FANCB: variants seen among roughly 807,000 people sequenced by gnomAD.
The protein encoded by FANCB is FA complementation group B.
In FANCB, 5 loss-of-function variants were observed where a neutral mutation model predicts 38.9. That is an observed-to-expected ratio of 0.13 (90% confidence interval 0.07 to 0.27). The LOEUF is 0.27. Among genes scored for constraint, FANCB ranks in the 10% least tolerant of loss-of-function variants. The pLI is 1.00. For synonymous variants in FANCB, 236 were observed against 215.4 expected (o/e 1.10, Z -0.84); for missense variants, 573 against 602.7 (o/e 0.95, Z 0.52).
chrX:14,841,515 T>A (rs368892142), downstream of FANCB, among the ~76,000 whole-genome samples: 1 of 111,866 alleles, frequency 8.9e-6, no homozygotes, highest in Non-Finnish European at 1.9e-5. Flanking sequence ...CTGAGGACAA[T>A]AGGAGAGTCA....
chrX:14,706,616 C>CCAGATATAATACCAGAATGATA, the FANCB span, among the ~76,000 whole-genome samples: 3 of 111,573 alleles, frequency 2.7e-5, no homozygotes, highest in African/African-American at 9.8e-5. Context: ...CTAGGATTAT[C>CCAGATATAATACCAGAATGATA]ATTCTGGTAT....
At chrX:14,809,639 C>T in the FANCB span, among the ~76,000 whole-genome samples, 1 of 112,640 alleles carries the variant, frequency 8.9e-6, no homozygotes, top group Non-Finnish European at 1.9e-5. Context: ...GGGGCGCCCG[C>T]CATTGCCCAG....
chrX:14,763,636 G>A, the FANCB span, among the ~76,000 whole-genome samples: 3 of 111,726 alleles, frequency 2.7e-5, no homozygotes, highest in South Asian at 1.1e-3. Flanking sequence ...TAAAATTTAT[G>A]CAGTATTCTG....
At chrX:14,776,708 C>T in the FANCB span, among the ~76,000 whole-genome samples, 14 of 112,369 alleles carry the variant, frequency 1.2e-4, no homozygotes, top group Non-Finnish European at 2.4e-4. Context: ...TAAACTTGGA[C>T]AACCACTTAA....
chrX:14,827,813 G>C, the FANCB span, among the ~76,000 whole-genome samples: 4 of 111,674 alleles, frequency 3.6e-5, no homozygotes, highest in African/African-American at 1.3e-4. Flanking sequence ...TTTAACTAAT[G>C]ATGAGCACCA....
intron 9 of FANCB, 102 bp from the exon 10 acceptor site, chrX:14,844,083 C>T: frequency 5.9e-6 from 4 of 679,421 alleles, no homozygotes; most frequent in Non-Finnish European, 4.4e-6. Flanking sequence ...TTATAAACAC[C>T]ATAATGATAA....
At chrX:14,872,374 C>A (rs2092502538) in intron 1 of FANCB, among the ~76,000 whole-genome samples, 1 of 112,363 alleles carries the variant, frequency 8.9e-6, no homozygotes, top group Middle Eastern at 4.6e-3. Flanking sequence ...GTATGCGCAA[C>A]TATTTTCTTT....
chrX:14,771,680 G>A, the FANCB span, among the ~76,000 whole-genome samples: 1 of 112,043 alleles, frequency 8.9e-6, no homozygotes, highest in Non-Finnish European at 1.9e-5. Flanking sequence ...GCCATTGCTG[G>A]AGAGGTGTTG....
the FANCB span, among the ~76,000 whole-genome samples, chrX:14,798,737 C>T: frequency 6.3e-5 from 7 of 111,722 alleles, no homozygotes; most frequent in South Asian, 1.1e-3. Context: ...GGGAGTGTGA[C>T]GGTTAGGGTT....
chrX:14,788,448 C>T, the FANCB span, among the ~76,000 whole-genome samples: 3 of 111,443 alleles, frequency 2.7e-5, no homozygotes, highest in Non-Finnish European at 5.7e-5. Flanking sequence ...CCAACTGCAA[C>T]TATCAGGGTG....
At chrX:14,802,557 G>T in the FANCB span, among the ~76,000 whole-genome samples, 1 of 112,005 alleles carries the variant, frequency 8.9e-6, no homozygotes, top group Non-Finnish European at 1.9e-5. Context: ...GGGAGCAGGG[G>T]TGGTAAGCTG....
chrX:14,748,237 G>A, the FANCB span, among the ~76,000 whole-genome samples: 2 of 112,292 alleles, frequency 1.8e-5, no homozygotes, highest in African/African-American at 6.5e-5. Flanking sequence ...ACATAGCAAG[G>A]AACTGAGGGA....
the FANCB span, among the ~76,000 whole-genome samples, chrX:14,760,313 C>T: frequency 8.9e-6 from 1 of 111,887 alleles, no homozygotes; most frequent in African/African-American, 3.3e-5. Context: ...AAGACAAATA[C>T]CACATGATCT....
chrX:14,691,601 C>T, the FANCB span, among the ~76,000 whole-genome samples: 1 of 111,303 alleles, frequency 9.0e-6, no homozygotes, highest in African/African-American at 3.3e-5. Flanking sequence ...AAATCCCAAG[C>T]CTTAGACACA....
the FANCB span, among the ~76,000 whole-genome samples, chrX:14,746,386 T>G: frequency 8.9e-6 from 1 of 112,154 alleles, no homozygotes; most frequent in Admixed American, 9.4e-5. Flanking sequence ...CAGCACATAA[T>G]TCTGACTACA....
chrX:14,707,757 GGTGTGT>G, the FANCB span, among the ~76,000 whole-genome samples: 67 of 106,211 alleles, frequency 6.3e-4, no homozygotes, highest in Non-Finnish European at 1.0e-3. Flanking sequence ...CAGCAAAAAA[GGTGTGT>G]GTGTGTGTGT....
the FANCB span, chrX:14,730,119 T>G: frequency 1.4e-6 from 1 of 704,107 alleles, no homozygotes; most frequent in Non-Finnish European, 2.2e-6. Flanking sequence ...AACTGTGATT[T>G]ATCCTTTTAC....
At chrX:14,833,676 G>T (rs111905035), downstream of FANCB, among the ~76,000 whole-genome samples, 4 of 43,734 alleles carry the variant, frequency 9.1e-5, no homozygotes, top group South Asian at 2.4e-3. Flanking sequence ...GCTGGGTGTG[G>T]GGGGGGTTCA....
At chrX:14,851,131 A>G (rs1397933543) in intron 6 of FANCB, among the ~76,000 whole-genome samples, 2 of 112,446 alleles carry the variant, frequency 1.8e-5, no homozygotes, top group Non-Finnish European at 3.7e-5. Context: ...CTTAAAGTCC[A>G]AGCCATATTC....
Sources: allele counts gnomAD v4.1 joint callset (sites outside exome capture counted in the v4.1 genomes callset), GRCh38; gene constraint gnomAD v4.1.1; transcripts MANE v1.5; gene names NCBI Gene and HGNC (gene_info 2026-07-23, HGNC 2026-07-21).